Variants in RUNX1T1 observed in about 807,000 individuals in gnomAD.
The protein encoded by RUNX1T1 is protein CBFA2T1.
In RUNX1T1, 4 loss-of-function variants were observed where a neutral mutation model predicts 62.8. The observed-to-expected ratio is 0.06, with a 90% CI of 0.03 to 0.15. RUNX1T1 has a LOEUF of 0.15. Ranked by LOEUF, RUNX1T1 falls within the 10% of genes least tolerant of loss-of-function variation. The pLI, the probability that RUNX1T1 is intolerant of heterozygous loss-of-function variation, is 1.00. For missense variants in RUNX1T1, 508 were observed against 754.3 expected (o/e 0.67, Z 3.82); for synonymous variants, 291 against 286.0 (o/e 1.02, Z -0.18).
intron 10 of RUNX1T1, among the ~76,000 whole-genome samples, chr8:91,969,478 A>G (rs1320007816): frequency 9.0e-6 from 1 of 111,714 alleles, no homozygotes; most frequent in East Asian, 3.3e-4. Context: ...GATGCTAATA[A>G]TGTTTTTAAA....
intron 6 of RUNX1T1, among the ~76,000 whole-genome samples, chr8:91,990,670 G>C (rs1817490032): frequency 2.7e-5 from 4 of 150,832 alleles, no homozygotes; most frequent in Admixed American, 2.6e-4. Context: ...CTGAGACAGG[G>C]TCTTGCTCTG....
At chr8:91,975,116 T>C (rs1331163458) in intron 9 of RUNX1T1, among the ~76,000 whole-genome samples, 8 of 152,220 alleles carry the variant, frequency 5.3e-5, no homozygotes, top group African/African-American at 1.9e-4. Flanking sequence ...TTTCATGGCC[T>C]CTTTAACTCT....
upstream of RUNX1T1, among the ~76,000 whole-genome samples, chr8:92,100,421 T>C (rs912218251): frequency 7.2e-5 from 11 of 152,218 alleles, no homozygotes; most frequent in African/African-American, 2.7e-4. Context: ...AAATTATTAA[T>C]GACTGAACAA....
chr8:92,008,038 T>C (rs1464952939), intron 4 of RUNX1T1, among the ~76,000 whole-genome samples: 1 of 151,828 alleles, frequency 6.6e-6, no homozygotes, highest in African/African-American at 2.4e-5. Context: ...TATAATCTTA[T>C]GGGACTACCA....
At chr8:92,033,090 A>G (rs541683552) in intron 1 of RUNX1T1, among the ~76,000 whole-genome samples, 6 of 152,342 alleles carry the variant, frequency 3.9e-5, no homozygotes, top group Non-Finnish European at 5.9e-5. Context: ...TTGCCTCTAA[A>G]TTATACATAT....
intron 1 of RUNX1T1, among the ~76,000 whole-genome samples, chr8:92,020,674 G>A (rs1316877487): frequency 2.0e-5 from 3 of 152,106 alleles, no homozygotes; most frequent in African/African-American, 4.8e-5. Context: ...TCTGTGTAAC[G>A]TTTCTCTCAC....
Position 92,014,568 on chromosome 8 carries a change from CA to C in RUNX1T1, c.387+10del. On this transcript the variant is annotated intron_variant, in intron 3 of 10. Coordinates refer to ENST00000396218, the Ensembl canonical transcript of RUNX1T1. ...ACACCAAGAAAACTGGGTTGGTTTC[CA>C]TTTGCTTACCACTAGTCCCAGAACG... The C allele has an allele frequency of 1.3e-6, 2 of 1,582,610 alleles. No homozygotes were observed. Among genetic ancestry groups the C allele is most frequent in the South Asian group, 2.3e-5 (2 of 86,344 alleles).
rs192301927 is a variant in RUNX1T1, at chr8:92,012,017, G to A, written c.388-926C>T. On this transcript the variant is annotated intron_variant, in intron 3 of 10. Transcript: ENST00000396218. Reference sequence around the variant, plus strand: ...ATAATTCTGATGACTGACAAAATTTGGGAATTTGTGACCTAACGTCATTAC... The same window carrying A: ...ATAATTCTGATGACTGACAAAATTTAGGAATTTGTGACCTAACGTCATTAC... Among the ~76,000 whole-genome samples, 42 of 152,216 alleles carry A rather than the reference G, an allele frequency of 2.8e-4. 1 individual carries two copies. The highest frequency in any genetic ancestry group is 2.1e-4 in the Non-Finnish European group (14 of 68,014).
chr8:91,998,660 C>T (rs1417893522), intron 5 of RUNX1T1, among the ~76,000 whole-genome samples: 1 of 152,196 alleles, frequency 6.6e-6, no homozygotes, highest in Non-Finnish European at 1.5e-5. Context: ...ATCTGCTCAA[C>T]AGTTAGGCTG....
chr8:92,041,836 A>ATTTTT (rs1828524960), intron 1 of RUNX1T1, among the ~76,000 whole-genome samples: 1 of 145,636 alleles, frequency 6.9e-6, no homozygotes, highest in African/African-American at 2.6e-5. Flanking sequence ...TTTTTTTTTA[A>ATTTTT]TTGAGATAGT....
exon 11 of RUNX1T1, chr8:91,960,144 A>T (rs1273356135): frequency 7.9e-7 from 1 of 1,272,180 alleles, no homozygotes; most frequent in Admixed American, 2.2e-5. Context: ...TCATCTAATA[A>T]ACAAACAAAC....
At chr8:91,955,680 C>G, downstream of RUNX1T1, 1 of 225,858 alleles carries the variant, frequency 4.4e-6, no homozygotes, top group Non-Finnish European at 8.8e-6. Flanking sequence ...CGGGCTCATG[C>G]ACCTGCTGTG....
intron 1 of RUNX1T1, among the ~76,000 whole-genome samples, chr8:92,084,087 C>T (rs772484502): frequency 1.3e-5 from 2 of 151,816 alleles, no homozygotes; most frequent in Admixed American, 1.3e-4. Flanking sequence ...CATCACACAC[C>T]GGGGCCTGTC....
intron 4 of RUNX1T1, chr8:92,006,312 A>C (rs1378216606): frequency 4.6e-5 from 7 of 152,160 alleles, no homozygotes; most frequent in Non-Finnish European, 1.0e-4. Context: ...GGAAAGGAGA[A>C]GATACTGGGA....
At chr8:92,062,664 G>A in exon 1 of RUNX1T1, 1 of 1,598,476 alleles carries the variant, frequency 6.3e-7, no homozygotes, top group Non-Finnish European at 8.6e-7. Flanking sequence ...GGCCATCAGA[G>A]GGGCTGGGGC....
chr8:92,047,365 T>C (rs541511784), intron 1 of RUNX1T1, among the ~76,000 whole-genome samples: 1 of 152,262 alleles, frequency 6.6e-6, no homozygotes, highest in East Asian at 1.9e-4. Flanking sequence ...ATTTAAACTG[T>C]AACCTGACCC....
At chr8:91,957,060 AAG>A (rs902855996), downstream of RUNX1T1, 2 of 217,398 alleles carry the variant, frequency 9.2e-6, no homozygotes, top group Non-Finnish European at 1.8e-5. Flanking sequence ...AGAAAAGAGT[AAG>A]AGACAGAGAT....
intron 9 of RUNX1T1, 72 bp downstream of exon 10, chr8:91,975,833 C>A: frequency 1.0e-6 from 1 of 973,968 alleles, no homozygotes; most frequent in South Asian, 1.4e-5. Flanking sequence ...TCTTGTCATT[C>A]CTCACATCAC....
At chr8:91,992,352 G>C (rs532861284) in intron 5 of RUNX1T1, among the ~76,000 whole-genome samples, 82 of 152,100 alleles carry the variant, frequency 5.4e-4, no homozygotes, top group Non-Finnish European at 9.8e-4. Flanking sequence ...GAATATCTAA[G>C]AACTGTGTTG....
Sources: gnomAD v4.1 joint callset for allele counts (sites outside exome capture counted in the v4.1 genomes callset) on GRCh38, gnomAD v4.1.1 for gene constraint, MANE v1.5 for transcripts, NCBI Gene and HGNC (gene_info 2026-07-23, HGNC 2026-07-21) for gene names.